Variants in RBFOX3 observed in about 807,000 individuals in gnomAD.
RBFOX3 encodes the protein RNA binding fox-1 homolog 3.
RBFOX3 carries 17 observed loss-of-function variants against 48.7 expected under a neutral mutation model. The observed-to-expected ratio is 0.35, with a 90% CI of 0.24 to 0.52. RBFOX3 has a LOEUF of 0.52. Ranked by LOEUF, RBFOX3 falls within the 20% of genes least tolerant of loss-of-function variation. The pLI is 0.94. For synonymous variants in RBFOX3, 212 were observed against 209.5 expected, an observed-to-expected ratio of 1.01 and a Z score of -0.10; for missense variants, 382 against 497.5, an observed-to-expected ratio of 0.77 and a Z score of 2.21.
At chr17:79,183,656 C>G (rs1273719025) in intron 4 of RBFOX3, among the ~76,000 whole-genome samples, 1 of 152,142 alleles carries the variant, frequency 6.6e-6, no homozygotes, top group East Asian at 1.9e-4. Context: ...AGGAGTCAGT[C>G]ACTTTGGAGC....
chr17:79,360,592 A>G (rs1285661907), intron 2 of RBFOX3, among the ~76,000 whole-genome samples: 2 of 152,204 alleles, frequency 1.3e-5, no homozygotes, highest in Non-Finnish European at 2.9e-5. Context: ...CTGCCCGTGG[A>G]GGGATACCTG....
intron 4 of RBFOX3, among the ~76,000 whole-genome samples, chr17:79,182,882 G>T (rs1377373174): frequency 6.7e-6 from 1 of 148,474 alleles, no homozygotes; most frequent in Non-Finnish European, 1.5e-5. Flanking sequence ...AGGATGCCCC[G>T]CTCCCCGCCC....
At chr17:79,314,153 G>A (rs1351803488) in intron 2 of RBFOX3, among the ~76,000 whole-genome samples, 1 of 152,164 alleles carries the variant, frequency 6.6e-6, no homozygotes, top group Non-Finnish European at 1.5e-5. Flanking sequence ...CACTCTTGTT[G>A]TTTTTTTACT....
At chr17:79,143,974 G>A (rs564382195) in intron 4 of RBFOX3, among the ~76,000 whole-genome samples, 1 of 152,358 alleles carries the variant, frequency 6.6e-6, no homozygotes, top group African/African-American at 2.4e-5. Context: ...TGGCCACGAA[G>A]GGGGACAGAC....
At chr17:79,147,347 A>T (rs1174547609) in intron 4 of RBFOX3, among the ~76,000 whole-genome samples, 1 of 152,218 alleles carries the variant, frequency 6.6e-6, no homozygotes, top group Non-Finnish European at 1.5e-5. Context: ...GCAGAAACCC[A>T]GATGTAGAGA....
chr17:79,287,576 C>G (rs2072243843), intron 3 of RBFOX3, among the ~76,000 whole-genome samples: 1 of 152,180 alleles, frequency 6.6e-6, no homozygotes, highest in Admixed American at 6.5e-5. Flanking sequence ...AGGATCAGAC[C>G]CACTGATGTG....
chr17:79,274,456 C>T (rs886400762), intron 3 of RBFOX3, among the ~76,000 whole-genome samples: 2 of 152,216 alleles, frequency 1.3e-5, no homozygotes, highest in African/African-American at 4.8e-5. Context: ...CTTCTCTGCA[C>T]TCAGGCGCGA....
At chr17:79,190,010 A>G (rs2146428514) in intron 4 of RBFOX3, among the ~76,000 whole-genome samples, 1 of 152,360 alleles carries the variant, frequency 6.6e-6, no homozygotes, top group South Asian at 2.1e-4. Flanking sequence ...CAGCCCACCC[A>G]GGAGGCATGC....
At chr17:79,430,544 CTAA>C (rs2068240077) in intron 2 of RBFOX3, among the ~76,000 whole-genome samples, 1 of 152,162 alleles carries the variant, frequency 6.6e-6, no homozygotes, top group African/African-American at 2.4e-5. Flanking sequence ...CTGTGCTCGA[CTAA>C]TATTATTATT....
chr17:79,382,658 C>G (rs916814567), intron 2 of RBFOX3, among the ~76,000 whole-genome samples: 3 of 152,234 alleles, frequency 2.0e-5, no homozygotes, highest in African/African-American at 4.8e-5. Context: ...ACCACACTCA[C>G]GCGCATTTCC....
Position 79,479,003 on chromosome 17 carries a change from G to A in RBFOX3, c.-175+3451C>T, listed in dbSNP as rs1396239523. Among the ~76,000 whole-genome samples, 5 of 152,140 alleles carry A rather than the reference G, an allele frequency of 3.3e-5. No homozygotes were observed. Among genetic ancestry groups the A allele is most frequent in the Admixed American group, 6.5e-5 (1 of 15,284 alleles). On this transcript the variant is annotated intron_variant, in intron 2 of 14. Coordinates refer to ENST00000693108, the MANE Select transcript of RBFOX3 (RefSeq NM_001350451.2). The surrounding 1 kb of genome is among the most constrained non-coding windows in gnomAD (Gnocchi z 5.1). ...ACACTCTCCTTTGAAGCAAGGACTC[G>A]CCTGCAGTGATGGGGAGTCTCGGTC...
chr17:79,586,526 C>T (rs2093255890), intron 1 of RBFOX3, among the ~76,000 whole-genome samples: 1 of 152,180 alleles, frequency 6.6e-6, no homozygotes, highest in African/African-American at 2.4e-5. Context: ...TGACTGGTAC[C>T]CCCTTCCCCC....
chr17:79,292,587 C>T lies in RBFOX3; in HGVS notation c.-74+15137G>A, dbSNP rs559643271. ...CTGTACACACACACACACACATGCACACACACACACACGCACACACACACA... is the reference window on the plus strand; with the variant it reads ...CTGTACACACACACACACACATGCATACACACACACACGCACACACACACA... On this transcript the variant is annotated intron_variant, in intron 3 of 14. Coordinates refer to ENST00000693108, the MANE Select transcript of RBFOX3 (RefSeq NM_001350451.2). Among the ~76,000 whole-genome samples, 4 of 93,870 alleles carry T rather than the reference C, an allele frequency of 4.3e-5. No individual in the cohort carries two copies. In the East Asian group the frequency reaches 1.5e-3, roughly 36 times the overall value. 61.6% of individuals were successfully genotyped at this position (93,870 alleles called of 152,430 possible). A position where few individuals can be genotyped will look rare whatever the true frequency, so the allele number is the denominator to read the frequency against.
At chr17:79,387,617 G>A (rs916767271) in intron 2 of RBFOX3, among the ~76,000 whole-genome samples, 7 of 152,232 alleles carry the variant, frequency 4.6e-5, no homozygotes, top group African/African-American at 1.4e-4. Context: ...GAGGGGCCAT[G>A]AGCTCTGCCT....
In RBFOX3 at chr17:79,556,644, A is replaced by G. The variant is rs921997005; in HGVS notation, c.-320+54182T>C. ...TTAAAAGACTCGAACTAATTTAATAACTTTGTCAGTAATGAAAATATATGA... is the reference window on the plus strand; with the variant it reads ...TTAAAAGACTCGAACTAATTTAATAGCTTTGTCAGTAATGAAAATATATGA... On this transcript the variant is annotated intron_variant, in intron 1 of 14. Coordinates refer to ENST00000693108, the MANE Select transcript of RBFOX3 (RefSeq NM_001350451.2). Among the ~76,000 whole-genome samples, 33 of 152,364 alleles carry G rather than the reference A, an allele frequency of 2.2e-4. No individual in the cohort carries two copies. The East Asian group carries it at 6.0e-3, about 28-fold the overall frequency.
At chr17:79,100,534 C>G (rs568721137) in intron 9 of RBFOX3, 2 of 152,164 alleles carry the variant, frequency 1.3e-5, no homozygotes, top group Non-Finnish European at 1.5e-5. Flanking sequence ...GCGGATCGGG[C>G]GGTCCTGTCC....
chr17:79,419,848 C>T (rs1317855989), intron 2 of RBFOX3, among the ~76,000 whole-genome samples: 2 of 152,222 alleles, frequency 1.3e-5, no homozygotes, highest in African/African-American at 2.4e-5. Flanking sequence ...TAACAGGGGC[C>T]GGGCGCGGTG....
intron 2 of RBFOX3, among the ~76,000 whole-genome samples, chr17:79,368,419 C>T (rs1053298390): frequency 2.0e-5 from 3 of 152,232 alleles, no homozygotes; most frequent in African/African-American, 7.2e-5. Flanking sequence ...CTTCACAATG[C>T]TATTTGAACT....
chr17:79,150,751 G>A (rs1236752981), intron 4 of RBFOX3, among the ~76,000 whole-genome samples: 2 of 152,206 alleles, frequency 1.3e-5, no homozygotes, highest in Non-Finnish European at 2.9e-5. Flanking sequence ...AGGCAGGTAG[G>A]GATGGGCACT....
Sources: allele counts gnomAD v4.1 joint callset (sites outside exome capture counted in the v4.1 genomes callset), GRCh38; gene constraint gnomAD v4.1.1; non-coding constraint Gnocchi (gnomAD v3.1); transcripts MANE v1.5; gene names NCBI Gene and HGNC (gene_info 2026-07-23, HGNC 2026-07-21).